The following XPO7 variants were observed in gnomAD, a reference collection of about 807,000 sequenced individuals.
XPO7 encodes exportin 7, also known as exportin-7.
A neutral mutation model predicts 144.3 loss-of-function variants in XPO7; 21 were observed. That is an observed-to-expected ratio of 0.15 (90% CI 0.10 to 0.21). XPO7 has a LOEUF of 0.21. Ranked by LOEUF, XPO7 falls within the 10% of genes least tolerant of loss-of-function variation. XPO7 has a pLI of 1.00. For synonymous variants in XPO7, 580 were observed against 499.6 expected, an observed-to-expected ratio of 1.16 and a Z score of -2.15; for missense variants, 808 against 1,325.8, an observed-to-expected ratio of 0.61 and a Z score of 6.06.
At chr8:21,988,982 T>A (rs368348849) in intron 15 of XPO7, 21 bp from the exon 16 acceptor site, 149 of 1,608,972 alleles carry the variant, frequency 9.3e-5, no homozygotes, top group Non-Finnish European at 1.2e-4. Context: ...TCCTGCTTTT[T>A]TTTTTCTTTT....
intron 1 of XPO7, among the ~76,000 whole-genome samples, chr8:21,934,538 A>C (rs996481925): frequency 1.3e-5 from 2 of 152,202 alleles, no homozygotes; most frequent in African/African-American, 2.4e-5. Context: ...CGTCTCAAAA[A>C]AAAAAAAGAA....
intron 1 of XPO7, among the ~76,000 whole-genome samples, chr8:21,950,588 A>G (rs930082236): frequency 6.6e-6 from 1 of 152,220 alleles, no homozygotes; most frequent in South Asian, 2.1e-4. Context: ...TAGCCTACAA[A>G]TAATATTATA....
chr8:21,953,162 T>C (rs1034862811), intron 1 of XPO7, among the ~76,000 whole-genome samples: 2 of 152,120 alleles, frequency 1.3e-5, no homozygotes, highest in Admixed American at 1.3e-4. Flanking sequence ...CAATTTACAG[T>C]GACATGTATC....
chr8:22,003,849 C>T, intron 26 of XPO7, 54 bp from the exon 27 acceptor site: 1 of 1,609,506 alleles, frequency 6.2e-7, no homozygotes, highest in South Asian at 1.1e-5. Context: ...TGACGGAGGG[C>T]TAATCTGCCT....
chr8:21,976,502 T>C lies in XPO7; in HGVS notation c.744T>C (p.Ile248=). The change falls in exon 7 of 28, where the codon ATT becomes ATC. Residue 248 remains isoleucine (I), a synonymous_variant. Coordinates refer to ENST00000252512, the MANE Select transcript of XPO7 (RefSeq NM_015024.5). The stretch of plus-strand genomic sequence containing the variant: ...CAGACGACCTGTGTACAGTGCAGAT[T>C]CCCACCAGCTGGAGATCAGGTAACA... ...ESSDDLCTVQ[I]PTSWRSAFLD... is the part of the protein sequence containing the mutation. 1 of 1,612,496 alleles carries C rather than the reference T, an allele frequency of 6.2e-7. No individual in the cohort carries two copies. Among genetic ancestry groups the C allele is most frequent in the East Asian group, 2.2e-5 (1 of 44,818 alleles).
chr8:21,993,087 A>G (rs1404774497), intron 19 of XPO7, among the ~76,000 whole-genome samples: 2 of 152,172 alleles, frequency 1.3e-5, no homozygotes, highest in African/African-American at 2.4e-5. Context: ...TTATACTTGT[A>G]TTTTAGAGTC....
intron 4 of XPO7, among the ~76,000 whole-genome samples, chr8:21,971,007 GT>G (rs1812043192): frequency 6.6e-6 from 1 of 151,978 alleles, no homozygotes; most frequent in Non-Finnish European, 1.5e-5. Context: ...TCCATTCATG[GT>G]AAGCGCCCTA....
chr8:21,996,233 G>A (rs1378370258), intron 21 of XPO7, among the ~76,000 whole-genome samples: 1 of 152,172 alleles, frequency 6.6e-6, no homozygotes, highest in Non-Finnish European at 1.5e-5. Context: ...AGATCAGCCT[G>A]GGCAACATGG....
chr8:21,996,186 G>A lies in XPO7; in HGVS notation c.2345+587G>A, dbSNP rs1812943714. ...TGCCTGTAATCCTAGCTTCTTGGGAGGCCGAAGTGGGCAGATTGCGTGAAT... is the reference window on the plus strand; with the variant it reads ...TGCCTGTAATCCTAGCTTCTTGGGAAGCCGAAGTGGGCAGATTGCGTGAAT... On this transcript the variant is annotated intron_variant, in intron 21 of 27. Transcript: ENST00000252512. Among the ~76,000 whole-genome samples, 2 of 152,212 alleles carry A rather than the reference G, an allele frequency of 1.3e-5. 1 individual carries two copies. Among genetic ancestry groups the A allele is most frequent in the South Asian group, 4.1e-4 (2 of 4,832 alleles).
intron 1 of XPO7, among the ~76,000 whole-genome samples, chr8:21,965,175 AG>A (rs1311616354): frequency 1.3e-5 from 2 of 149,048 alleles, no homozygotes; most frequent in Non-Finnish European, 3.0e-5. Context: ...ATTTTGTAGG[AG>A]GGGGGAAATA....
At chr8:21,966,615 TC>T (rs1811892765) in intron 1 of XPO7, among the ~76,000 whole-genome samples, 2 of 128,166 alleles carry the variant, frequency 1.6e-5, no homozygotes, top group African/African-American at 6.7e-5. Flanking sequence ...GTATGATTGA[TC>T]CTCAAGGGAA....
chr8:21,928,495 G>T (rs922133050), intron 1 of XPO7, among the ~76,000 whole-genome samples: 8 of 152,326 alleles, frequency 5.3e-5, no homozygotes, highest in African/African-American at 1.2e-4. Context: ...CATTTTTAAA[G>T]AAACTGTCAA....
intron 15 of XPO7, 53 bp downstream of exon 15, chr8:21,987,910 T>C: frequency 6.4e-7 from 1 of 1,570,732 alleles, no homozygotes; most frequent in South Asian, 1.1e-5. Flanking sequence ...CTGTTGCAAC[T>C]GTAAAATGTG....
chr8:21,982,004 G>A, intron 10 of XPO7, 127 bp downstream of exon 10: 1 of 1,239,546 alleles, frequency 8.1e-7, no homozygotes, highest in Non-Finnish European at 1.1e-6. Flanking sequence ...TAGCCCTACA[G>A]AGTAGTTACT....
intron 2 of XPO7, among the ~76,000 whole-genome samples, chr8:21,968,882 G>A (rs575261008): frequency 6.6e-6 from 1 of 152,310 alleles, no homozygotes; most frequent in African/African-American, 2.4e-5. Context: ...ATGTGATAAA[G>A]CTATTCCATT....
At chr8:22,001,347 G>A (rs1458266768) in intron 24 of XPO7, among the ~76,000 whole-genome samples, 5 of 151,740 alleles carry the variant, frequency 3.3e-5, no homozygotes, top group East Asian at 1.9e-4. Context: ...GTAGAGGGAC[G>A]TTTGCATAAA....
Position 21,960,814 on chromosome 8 carries a change from C to G in XPO7, c.19-6043C>G, listed in dbSNP as rs545123158. Among the ~76,000 whole-genome samples the G allele has an allele frequency of 2.0e-5, 3 of 152,264 alleles. No homozygotes were observed. The South Asian group carries it at 6.2e-4, about 32-fold the overall frequency. On this transcript the variant is annotated intron_variant, in intron 1 of 27. Coordinates refer to ENST00000252512, the MANE Select transcript of XPO7 (RefSeq NM_015024.5). ...TGTAAAAGCATTTAGCGTTGTAAAA[C>G]TAAAGCATTCTGAATCTAAAGTGCA...
chr8:21,942,778 C>G (rs1291760387), intron 1 of XPO7, among the ~76,000 whole-genome samples: 1 of 152,194 alleles, frequency 6.6e-6, no homozygotes, highest in Non-Finnish European at 1.5e-5. Context: ...TTTATGCTTC[C>G]CATATTGTCA....
intron 20 of XPO7, 89 bp from the exon 21 acceptor site, chr8:21,995,403 C>A: frequency 9.2e-7 from 1 of 1,084,896 alleles, no homozygotes; most frequent in Non-Finnish European, 1.3e-6. Flanking sequence ...TGTAGTTTGA[C>A]AAGTTTTTGC....
Sources: gnomAD v4.1 joint callset for allele counts (sites outside exome capture counted in the v4.1 genomes callset) on GRCh38, gnomAD v4.1.1 for gene constraint, MANE v1.5 for transcripts, NCBI Gene and HGNC (gene_info 2026-07-23, HGNC 2026-07-21) for gene names.